The following SORL1 variants were observed in gnomAD, a reference collection of about 807,000 sequenced individuals.
SORL1 encodes sortilin related receptor 1.
In SORL1, 127 loss-of-function variants were observed where a neutral mutation model predicts 273.7. The observed-to-expected ratio is 0.46, with a 90% confidence interval of 0.40 to 0.54. The LOEUF (loss-of-function observed/expected upper bound fraction) is 0.54. SORL1 is among the 20% of genes least tolerant of loss of function. SORL1 has a pLI of 0.00. For synonymous variants in SORL1, 1,031 were observed against 1,067.4 expected, an observed-to-expected ratio of 0.97 and a Z score of 0.66; for missense variants, 2,494 against 2,846.1, an observed-to-expected ratio of 0.88 and a Z score of 2.81.
chr11:121,586,819 T>C (rs1186297848), intron 27 of SORL1, among the ~76,000 whole-genome samples: 1 of 151,916 alleles, frequency 6.6e-6, no homozygotes, highest in African/African-American at 2.4e-5. Flanking sequence ...TGGAATCACC[T>C]GGGGAGCTTT....
In SORL1 at chr11:121,545,239, T is replaced by G. The variant is rs1862408138; in HGVS notation, c.1865-4T>G. ...TGCTTCGTGCTGTGTTCCTTTTTCTTTAGGAGTTCCCTGCACAGAGAATGA... is the reference window on the plus strand; with the variant it reads ...TGCTTCGTGCTGTGTTCCTTTTTCTGTAGGAGTTCCCTGCACAGAGAATGA... On this transcript the variant is annotated splice_polypyrimidine_tract_variant and splice_region_variant and intron_variant, in intron 13 of 47. Transcript: ENST00000260197. 2 of 1,613,774 alleles carry G rather than the reference T, an allele frequency of 1.2e-6. No homozygotes were observed. Among genetic ancestry groups the G allele is most frequent in the East Asian group, 4.5e-5 (2 of 44,882 alleles).
At chr11:121,571,126 C>T (rs1380781321) in intron 23 of SORL1, among the ~76,000 whole-genome samples, 2 of 152,210 alleles carry the variant, frequency 1.3e-5, no homozygotes, top group Non-Finnish European at 2.9e-5. Context: ...TAGGCAGTTA[C>T]AGTAGAGTGA....
rs1444432353 is a variant in SORL1 at position 121,622,197 on chromosome 11, A to G, written c.6100A>G (p.Thr2034Ala). ...AGCACCTGATGCCTTAAAAATCATA[A>G]CAGAAAATGATCATGTTCTTCTGTT... ...LSAPDALKII[T>A]ENDHVLLFWK... Residue 2034 changes from threonine (T) to alanine (A), a missense_variant, in exon 45 of 48, where the codon ACA becomes GCA. By Grantham distance (58) the Thr-to-Ala change is moderately conservative. This residue lies in a region of SORL1 where 1,609 missense variants were observed against 1,816.4 expected (regional missense o/e 0.89). Coordinates refer to ENST00000260197, the MANE Select transcript of SORL1 (RefSeq NM_003105.6). 2 of 1,612,082 alleles carry G rather than the reference A, an allele frequency of 1.2e-6. No homozygotes were observed. The highest frequency in any genetic ancestry group is 1.7e-6 in the Non-Finnish European group (2 of 1,178,984).
At chr11:121,520,095 TA>T (rs200221023) in intron 8 of SORL1, among the ~76,000 whole-genome samples, 1 of 151,528 alleles carries the variant, frequency 6.6e-6, no homozygotes, top group African/African-American at 2.4e-5. Context: ...TACCAAAAAA[TA>T]AAAAAAATTA....
intron 32 of SORL1, among the ~76,000 whole-genome samples, chr11:121,600,184 G>A (rs140581303): frequency 1.8e-4 from 28 of 152,256 alleles, no homozygotes; most frequent in African/African-American, 6.0e-4. Context: ...TCATGTATTC[G>A]TTTCACTTAA....
intron 25 of SORL1, among the ~76,000 whole-genome samples, chr11:121,577,773 C>G (rs956084777): frequency 6.6e-6 from 1 of 152,102 alleles, no homozygotes; most frequent in Admixed American, 6.5e-5. Flanking sequence ...AGGGGGTTCC[C>G]CAGACAAGGA....
chr11:121,522,851 G>A (rs1862061768), intron 10 of SORL1, 65 bp from the exon 11 acceptor site: 1 of 1,473,290 alleles, frequency 6.8e-7, no homozygotes. Context: ...AGAATTTCTG[G>A]CTGGGCAAGG....
intron 35 of SORL1, among the ~76,000 whole-genome samples, chr11:121,606,084 A>G (rs907795854): frequency 6.6e-6 from 1 of 152,086 alleles, no homozygotes; most frequent in Non-Finnish European, 1.5e-5. Flanking sequence ...CACCATGCTC[A>G]GCTAGCTTTT....
chr11:121,574,395 C>T (rs1333145099), intron 24 of SORL1, 32 bp downstream of exon 24: 6 of 1,607,904 alleles, frequency 3.7e-6, no homozygotes, highest in Non-Finnish European at 4.3e-6. Flanking sequence ...AAACCCTGCT[C>T]TGGAGAGGGG....
At chr11:121,615,595 C>T (rs73595299) in intron 41 of SORL1, among the ~76,000 whole-genome samples, 2,507 of 152,156 alleles carry the variant, frequency 0.016, 54 homozygotes, top group African/African-American at 0.053. Context: ...TGGATTTTCT[C>T]AATGGAAAAG....
At position 121,550,210 on chromosome 11, in the gene SORL1, C is replaced by A; in HGVS notation, c.2180+122C>A. 1 of 1,029,782 alleles carries A rather than the reference C, an allele frequency of 9.7e-7. No individual in the cohort carries two copies. The highest frequency in any genetic ancestry group is 1.4e-6 in the Non-Finnish European group (1 of 725,576). The allele number at this position is 1,029,782 out of a possible 1,614,324, so 63.8% of individuals were successfully genotyped here. On this transcript the variant is annotated intron_variant, in intron 15 of 47. Coordinates refer to ENST00000260197, the MANE Select transcript of SORL1 (RefSeq NM_003105.6). The surrounding 1 kb of genome is among the most constrained non-coding windows in gnomAD (Gnocchi z 5.3). ...TCTAGAATTCCAAGTTAACAGCCTG[C>A]AAGTAGTTTGGGCAACATTATAAAT...
intron 13 of SORL1, among the ~76,000 whole-genome samples, 191 bp from the exon 14 acceptor site, chr11:121,545,052 C>T (rs1256055782): frequency 2.0e-5 from 3 of 152,208 alleles, no homozygotes; most frequent in Non-Finnish European, 4.4e-5. Flanking sequence ...CAGATGCCTG[C>T]GTTTCAGGTA....
chr11:121,602,387 A>C (rs1411949686), intron 32 of SORL1, among the ~76,000 whole-genome samples: 1 of 152,200 alleles, frequency 6.6e-6, no homozygotes, highest in Non-Finnish European at 1.5e-5. Flanking sequence ...TCGTGCAAAG[A>C]AGTCTTAATT....
At chr11:121,491,136 A>G (rs1861547069) in intron 5 of SORL1, among the ~76,000 whole-genome samples, 1 of 152,196 alleles carries the variant, frequency 6.6e-6, no homozygotes, top group Non-Finnish European at 1.5e-5. Context: ...GCTTGGGTAG[A>G]GAACATGAAC....
chr11:121,522,571 A>C lies in SORL1; in HGVS notation c.1405-15A>C. On this transcript the variant is annotated splice_polypyrimidine_tract_variant and intron_variant, in intron 9 of 47. Coordinates refer to ENST00000260197, the MANE Select transcript of SORL1 (RefSeq NM_003105.6). Reference sequence around the variant, plus strand: ...GTATCATGTGCTGACACTGCCTGAAACTTTGGTTGTATAGCTTTCCCAGGG... The same window carrying C: ...GTATCATGTGCTGACACTGCCTGAACCTTTGGTTGTATAGCTTTCCCAGGG... 6.3e-7 allele frequency: 1 copy of C among 1,597,382 alleles called. No individual in the cohort carries two copies.
chr11:121,531,061 A>AT (rs1862195801), intron 11 of SORL1, among the ~76,000 whole-genome samples: 1 of 151,792 alleles, frequency 6.6e-6, no homozygotes, highest in Non-Finnish European at 1.5e-5. Flanking sequence ...TTTCACGTGT[A>AT]TTTTTCTTTC....
At chr11:121,480,942 C>A (rs543975666) in intron 3 of SORL1, among the ~76,000 whole-genome samples, 1 of 127,296 alleles carries the variant, frequency 7.9e-6, no homozygotes, top group Non-Finnish European at 1.7e-5. Flanking sequence ...AGCTCCTCCC[C>A]TAGTGCACAG....
chr11:121,558,897 A>G, intron 20 of SORL1, 60 bp downstream of exon 20: 1 of 1,594,640 alleles, frequency 6.3e-7, no homozygotes, highest in Non-Finnish European at 8.6e-7. Flanking sequence ...ATATGAGATC[A>G]GGAGCCTGCA....
chr11:121,539,102 A>G (rs375224306), intron 12 of SORL1, among the ~76,000 whole-genome samples: 1 of 152,224 alleles, frequency 6.6e-6, no homozygotes, highest in African/African-American at 2.4e-5. Context: ...TAGAAGTCTT[A>G]TCTTGGGTTG....
Sources: allele counts gnomAD v4.1 joint callset (sites outside exome capture counted in the v4.1 genomes callset), GRCh38; gene constraint gnomAD v4.1.1; regional missense constraint gnomAD v4.1.1; non-coding constraint Gnocchi (gnomAD v3.1); transcripts MANE v1.5; gene names NCBI Gene and HGNC (gene_info 2026-07-23, HGNC 2026-07-21).